The following CDH12 variants were observed in gnomAD, a reference collection of about 807,000 sequenced individuals.
CDH12 encodes cadherin 12.
CDH12 carries 41 observed loss-of-function variants against 74.1 expected under a neutral mutation model. That is an observed-to-expected ratio of 0.55 (90% CI 0.43 to 0.72). The LOEUF (loss-of-function observed/expected upper bound fraction) is 0.72. Ranked by LOEUF, CDH12 falls within the 30% of genes least tolerant of loss-of-function variation. The probability of loss-of-function intolerance (pLI) is 0.00; values close to 1 mark genes in which losing one functional copy is unlikely to be tolerated. For missense variants in CDH12, 945 were observed against 977.2 expected (o/e 0.97, Z 0.44); for synonymous variants, 399 against 355.0 (o/e 1.12, Z -1.39).
intron 1 of CDH12, among the ~76,000 whole-genome samples, chr5:22,551,988 T>G (rs1260754464): frequency 6.6e-6 from 1 of 152,108 alleles, no homozygotes; most frequent in Non-Finnish European, 1.5e-5. Flanking sequence ...TATTGTTGTT[T>G]TTTGGCAATA....
At position 22,529,202 on chromosome 5, in the gene CDH12, G is replaced by T. The variant is rs1297330071; in HGVS notation, c.-522-23838C>A. 3.2e-3 allele frequency among the ~76,000 whole-genome samples: 419 copies of T among 131,016 alleles called. 5 individuals are homozygous for T. The highest frequency in any genetic ancestry group is 5.3e-3 in the Admixed American group (68 of 12,884). The allele number at this position is 131,016 out of a possible 152,430, so 86.0% of individuals were successfully genotyped here. ...ATATATATATATAGAGAGAGAGAGAGAGAGAGAGAGAGAGAGAGAGAGAAG... is the reference window on the plus strand; with the variant it reads ...ATATATATATATAGAGAGAGAGAGATAGAGAGAGAGAGAGAGAGAGAGAAG... On this transcript the variant is annotated intron_variant, in intron 1 of 14. Transcript: ENST00000382254.
chr5:22,796,953 T>A (rs1748257251), intron 1 of CDH12, among the ~76,000 whole-genome samples: 1 of 152,136 alleles, frequency 6.6e-6, no homozygotes, highest in Non-Finnish European at 1.5e-5. Context: ...CTGTGTCTAA[T>A]CTCACAACAC....
intron 1 of CDH12, among the ~76,000 whole-genome samples, chr5:22,641,672 G>T (rs931859033): frequency 6.6e-6 from 1 of 152,108 alleles, no homozygotes; most frequent in Non-Finnish European, 1.5e-5. Context: ...ACTAACCAAG[G>T]CTTCTGCTAG....
rs182189946 is a variant in CDH12, at chr5:21,828,374, G to A, written c.815-11242C>T. Among the ~76,000 whole-genome samples, 491 of 152,164 alleles carry A rather than the reference G, an allele frequency of 3.2e-3. 2 individuals carry two copies. The highest frequency in any genetic ancestry group is 0.011 in the African/African-American group (459 of 41,518). On this transcript the variant is annotated intron_variant, in intron 8 of 14. Transcript: ENST00000382254. Reference sequence around the variant, plus strand: ...TGACCTCAAGTGATCCACCTGCCTCGGCCTCCCAAAGTGCTGGGATTACAG... The same window carrying A: ...TGACCTCAAGTGATCCACCTGCCTCAGCCTCCCAAAGTGCTGGGATTACAG...
chr5:22,772,546 G>A (rs1001745858), intron 1 of CDH12, among the ~76,000 whole-genome samples: 5 of 151,954 alleles, frequency 3.3e-5, no homozygotes, highest in Admixed American at 2.0e-4. Flanking sequence ...ATGGGGTGTC[G>A]TTTTCCTATT....
intron 1 of CDH12, among the ~76,000 whole-genome samples, chr5:22,828,651 A>G (rs1736447329): frequency 6.6e-6 from 1 of 152,150 alleles, no homozygotes; most frequent in Non-Finnish European, 1.5e-5. Context: ...GTGACCCAAG[A>G]GAAAGTTGTT....
intron 7 of CDH12, among the ~76,000 whole-genome samples, chr5:21,843,791 T>C (rs1356127256): frequency 1.3e-5 from 2 of 152,184 alleles, no homozygotes; most frequent in Non-Finnish European, 2.9e-5. Flanking sequence ...CTAAGATTCT[T>C]CATCTCTACC....
intron 6 of CDH12, among the ~76,000 whole-genome samples, chr5:21,951,736 A>C (rs1237145899): frequency 6.6e-6 from 1 of 152,254 alleles, no homozygotes; most frequent in African/African-American, 2.4e-5. Context: ...TTGACAATGG[A>C]AGAAAGTACT....
chr5:22,389,685 G>A (rs1331920011), intron 3 of CDH12, among the ~76,000 whole-genome samples: 1 of 139,292 alleles, frequency 7.2e-6, no homozygotes, highest in Non-Finnish European at 1.5e-5. Context: ...GTCTCACTCT[G>A]TCGCCAGGCT....
chr5:22,369,533 A>G (rs1741182229), intron 3 of CDH12, among the ~76,000 whole-genome samples: 1 of 152,202 alleles, frequency 6.6e-6, no homozygotes, highest in African/African-American at 2.4e-5. Context: ...TGCCTTTAAG[A>G]TTTCACATTT....
chr5:21,880,467 TTTCCTTCCTTCCTTCC>T (rs1207307885), intron 6 of CDH12, among the ~76,000 whole-genome samples: 1 of 84,812 alleles, frequency 1.2e-5, no homozygotes, highest in African/African-American at 4.6e-5. Flanking sequence ...TCCTTCCTTC[TTTCCTTCCTTCCTTCC>T]TTCCTTCCTT....
intron 2 of CDH12, among the ~76,000 whole-genome samples, chr5:22,452,413 T>G (rs1580663883): frequency 6.6e-6 from 1 of 151,994 alleles, no homozygotes; most frequent in African/African-American, 2.4e-5. Flanking sequence ...TGGAAATATA[T>G]TTACACATTT....
At chr5:22,674,173 T>C (rs1741044707) in intron 1 of CDH12, among the ~76,000 whole-genome samples, 1 of 152,190 alleles carries the variant, frequency 6.6e-6, no homozygotes, top group Admixed American at 6.5e-5. Flanking sequence ...AGACTTCATA[T>C]GGTTTGGCTA....
intron 3 of CDH12, among the ~76,000 whole-genome samples, chr5:22,388,233 A>G (rs1171550629): frequency 3.3e-5 from 5 of 152,070 alleles, no homozygotes; most frequent in Non-Finnish European, 7.4e-5. Context: ...CTGCTTTACA[A>G]ATGAACTACA....
At chr5:22,277,143 C>T (rs1195007334) in intron 3 of CDH12, among the ~76,000 whole-genome samples, 2 of 152,138 alleles carry the variant, frequency 1.3e-5, no homozygotes, top group East Asian at 3.9e-4. Context: ...CCAATAACTA[C>T]AAATTAGATA....
chr5:22,108,330 C>T (rs7448778), intron 4 of CDH12, among the ~76,000 whole-genome samples: 70,072 of 152,084 alleles, frequency 0.46, 16,357 homozygotes, highest in Middle Eastern at 0.52. Flanking sequence ...ACTGTGAGTC[C>T]ATTAAATCTC....
At chr5:22,570,361 T>C (rs190412986) in intron 1 of CDH12, among the ~76,000 whole-genome samples, 1 of 152,278 alleles carries the variant, frequency 6.6e-6, no homozygotes, top group African/African-American at 2.4e-5. Context: ...GAAATGTATT[T>C]CTTAAATCAT....
At chr5:21,753,699 G>A (rs2149860506) in intron 14 of CDH12, among the ~76,000 whole-genome samples, 1 of 152,250 alleles carries the variant, frequency 6.6e-6, no homozygotes, top group South Asian at 2.1e-4. Flanking sequence ...AATATACACT[G>A]CTGTATACCA....
chr5:22,796,159 G>T (rs999640812), intron 1 of CDH12, among the ~76,000 whole-genome samples: 2 of 152,090 alleles, frequency 1.3e-5, no homozygotes, highest in African/African-American at 4.8e-5. Flanking sequence ...ATATACAAGT[G>T]CTGATATCTC....
Sources: allele counts gnomAD v4.1 joint callset (sites outside exome capture counted in the v4.1 genomes callset), GRCh38; gene constraint gnomAD v4.1.1; transcripts MANE v1.5; gene names NCBI Gene and HGNC (gene_info 2026-07-23, HGNC 2026-07-21).